The following PCDH7 variants were observed in gnomAD, a reference collection of about 807,000 sequenced individuals.
PCDH7 encodes protocadherin-7.
A neutral mutation model predicts 58.9 loss-of-function variants in PCDH7; 17 were observed. The ratio of observed to expected loss-of-function variants is 0.29; its 90% CI spans 0.20 to 0.43. The LOEUF is 0.43. Ranked by LOEUF, PCDH7 falls within the 20% of genes least tolerant of loss-of-function variation. The pLI is 1.00. For synonymous variants in PCDH7, 664 were observed against 616.4 expected (o/e 1.08, Z -1.14); for missense variants, 1,274 against 1,441.0 (o/e 0.88, Z 1.88).
At chr4:31,038,531 T>G (rs898226164) in intron 3 of PCDH7, among the ~76,000 whole-genome samples, 5 of 152,160 alleles carry the variant, frequency 3.3e-5, no homozygotes, top group South Asian at 4.1e-4. Context: ...ACTGCTGTCT[T>G]ATTTTTCATT....
In PCDH7 at chr4:31,117,921, C is replaced by T. The variant is rs952707688; in HGVS notation, c.*8-24552C>T. 7.9e-5 allele frequency among the ~76,000 whole-genome samples: 12 copies of T among 152,144 alleles called. No homozygotes were observed. The East Asian group carries it at 1.4e-3, about 17-fold the overall frequency. ...TTGACAGGCTCAATCAGAAAAGCTA[C>T]GTTTTATTTGTTTTTATCACTCCTG... is the stretch of plus-strand genomic sequence containing the variant. On this transcript the variant is annotated intron_variant, in intron 3 of 3. Coordinates refer to the PCDH7 transcript ENST00000509759.
intron 1 of PCDH7, among the ~76,000 whole-genome samples, chr4:30,790,719 A>T (rs1436338592): frequency 2.6e-5 from 4 of 152,196 alleles, no homozygotes; most frequent in Admixed American, 2.6e-4. Context: ...TAAGAGTTCA[A>T]GACCAGCCTG....
At chr4:30,754,214 G>A (rs1718978127) in intron 1 of PCDH7, among the ~76,000 whole-genome samples, 1 of 151,636 alleles carries the variant, frequency 6.6e-6, no homozygotes, top group South Asian at 2.1e-4. Flanking sequence ...GGAGGAAGTA[G>A]TAGAAGAGGT....
intron 3 of PCDH7, among the ~76,000 whole-genome samples, chr4:31,019,379 G>T (rs1362776073): frequency 5.9e-5 from 9 of 152,090 alleles, no homozygotes; most frequent in Non-Finnish European, 1.2e-4. Context: ...CCACATGTCT[G>T]GGCCAGGGGA....
intron 3 of PCDH7, among the ~76,000 whole-genome samples, chr4:31,122,543 A>C (rs1717816388): frequency 6.6e-6 from 1 of 152,106 alleles, no homozygotes; most frequent in African/African-American, 2.4e-5. Flanking sequence ...AGGTTATTTA[A>C]TGCACATTTA....
At chr4:30,964,262 G>A (rs1374119343) in intron 3 of PCDH7, among the ~76,000 whole-genome samples, 2 of 136,688 alleles carry the variant, frequency 1.5e-5, no homozygotes, top group Non-Finnish European at 1.6e-5. Flanking sequence ...TTTTTTTTGA[G>A]ATGAAATCTG....
rs1179774412 is a variant in PCDH7 at position 30,721,980 on chromosome 4, C to A, written c.558C>A (p.Pro186=). 6 of 1,335,670 alleles carry A rather than the reference C, an allele frequency of 4.5e-6. No homozygotes were observed. The highest frequency in any genetic ancestry group is 5.7e-6 in the Non-Finnish European group (6 of 1,044,756). The allele number at this position is 1,335,670 out of a possible 1,614,324, so 82.7% of individuals were successfully genotyped here. The change falls in exon 1 of 2, where the codon CCC becomes CCA. Residue 186 remains proline, a synonymous_variant. Transcript: ENST00000361762. This position sits in a 1 kb window ranked among gnomAD's most constrained non-coding sequence, Gnocchi z 6.7. ...AGCGCTACGAGCTGCTCCAGGAGCC[C>A]GGAGGCGGCGGCAGCGGCGGCGAGA...
At chr4:30,950,204 A>G (rs1322456461) in exon 3 of PCDH7, 1 of 152,660 alleles carries the variant, frequency 6.6e-6, no homozygotes, top group African/African-American at 2.4e-5. Context: ...AGGCCTCTCC[A>G]TTAATCAACA....
chr4:31,014,144 A>G (rs1024851744), intron 3 of PCDH7, among the ~76,000 whole-genome samples: 31 of 152,148 alleles, frequency 2.0e-4, no homozygotes, highest in African/African-American at 7.5e-4. Context: ...GCATTGCTAT[A>G]GAAAAAAAAG....
intron 3 of PCDH7, among the ~76,000 whole-genome samples, chr4:31,129,792 A>G (rs1414128900): frequency 6.6e-6 from 1 of 151,842 alleles, no homozygotes; most frequent in African/African-American, 2.4e-5. Flanking sequence ...CCACACCCAG[A>G]TAAATTTTGT....
intron 1 of PCDH7, among the ~76,000 whole-genome samples, chr4:30,774,099 T>A (rs1721761194): frequency 6.6e-6 from 1 of 152,188 alleles, no homozygotes; most frequent in Admixed American, 6.5e-5. Flanking sequence ...TGTCTCTTAA[T>A]AGGATTGCTT....
Position 30,723,648 on chromosome 4 carries a change from T to C in PCDH7, c.2226T>C (p.Val742=), listed in dbSNP as rs1714135793. The stretch of plus-strand genomic sequence containing the variant: ...ATGAAAATGACAATGCTCCCACAGT[T>C]ACCCTTCCCAAAAACATTTCCTACA... Residue 742 remains valine (V), a synonymous_variant, in exon 1 of 2, where the codon GTT becomes GTC. Coordinates refer to ENST00000361762, the Ensembl canonical transcript of PCDH7. The surrounding 1 kb of genome is among the most constrained non-coding windows in gnomAD (Gnocchi z 4.6). 1.2e-6 allele frequency: 2 copies of C among 1,614,054 alleles called. No individual in the cohort carries two copies. Among genetic ancestry groups the C allele is most frequent in the South Asian group, 2.2e-5 (2 of 91,084 alleles).
intron 3 of PCDH7, among the ~76,000 whole-genome samples, chr4:30,991,533 T>C (rs2109124449): frequency 6.6e-6 from 1 of 152,324 alleles, no homozygotes; most frequent in South Asian, 2.1e-4. Context: ...TTAATCTTAA[T>C]TTACATTTAA....
intron 1 of PCDH7, among the ~76,000 whole-genome samples, chr4:30,745,037 G>T (rs1232735746): frequency 6.6e-6 from 1 of 152,080 alleles, no homozygotes; most frequent in Non-Finnish European, 1.5e-5. Context: ...CATCATCGAG[G>T]AGATTGAAAA....
intron 3 of PCDH7, among the ~76,000 whole-genome samples, chr4:31,000,548 A>G (rs1479663597): frequency 6.6e-6 from 1 of 152,100 alleles, no homozygotes; most frequent in African/African-American, 2.4e-5. Flanking sequence ...GAATTAGGAA[A>G]TTTGTTGTTT....
intron 3 of PCDH7, among the ~76,000 whole-genome samples, chr4:31,042,703 T>A (rs971848896): frequency 4.6e-5 from 7 of 152,050 alleles, no homozygotes; most frequent in Admixed American, 2.0e-4. Context: ...AAACTACCAT[T>A]TGAAAAATGC....
intron 3 of PCDH7, among the ~76,000 whole-genome samples, chr4:30,968,387 T>A (rs186033189): frequency 6.2e-5 from 5 of 80,734 alleles, no homozygotes; most frequent in Non-Finnish European, 1.1e-4. Context: ...TATATATATA[T>A]ATATATATAT....
At chr4:31,092,406 C>G (rs758051596) in intron 3 of PCDH7, among the ~76,000 whole-genome samples, 4 of 151,888 alleles carry the variant, frequency 2.6e-5, no homozygotes, top group Non-Finnish European at 5.9e-5. Context: ...TTTTTATTCT[C>G]CAGAGAGAAT....
At chr4:31,130,170 A>C (rs947633325) in intron 3 of PCDH7, among the ~76,000 whole-genome samples, 4 of 152,134 alleles carry the variant, frequency 2.6e-5, no homozygotes, top group Admixed American at 1.3e-4. Context: ...AATGACTTAA[A>C]ATGATTCCTT....
Sources: gnomAD v4.1 joint callset for allele counts (sites outside exome capture counted in the v4.1 genomes callset) on GRCh38, gnomAD v4.1.1 for gene constraint, Gnocchi (gnomAD v3.1) non-coding constraint, MANE v1.5 for transcripts, NCBI Gene and HGNC (gene_info 2026-07-23, HGNC 2026-07-21) for gene names.